Variants in CTNND2 observed in about 807,000 individuals in gnomAD.
The protein encoded by CTNND2 is catenin delta 2.
Under a neutral mutation model 144.4 loss-of-function variants are expected in CTNND2, and 22 were observed. The ratio of observed to expected loss-of-function variants is 0.15; its 90% CI spans 0.11 to 0.22. The LOEUF is 0.22. CTNND2 is among the 10% of genes least tolerant of loss of function. CTNND2 has a pLI of 1.00. For missense variants in CTNND2, 1,353 were observed against 1,618.8 expected (o/e 0.84, Z 2.82); for synonymous variants, 751 against 695.6 (o/e 1.08, Z -1.25).
At chr5:11,436,734 A>T (rs1335418088) in intron 3 of CTNND2, among the ~76,000 whole-genome samples, 2 of 152,240 alleles carry the variant, frequency 1.3e-5, no homozygotes, top group Non-Finnish European at 2.9e-5. Flanking sequence ...ATATTTGCTG[A>T]CAGTTTTAAA....
chr5:11,208,683 C>G (rs1169407144), intron 10 of CTNND2, among the ~76,000 whole-genome samples: 1 of 151,794 alleles, frequency 6.6e-6, no homozygotes, highest in Non-Finnish European at 1.5e-5. Context: ...AAACATAAAA[C>G]AAAAAAGCAC....
intron 11 of CTNND2, among the ~76,000 whole-genome samples, chr5:11,182,569 TGCCCTCAACTTCCC>T (rs1172026972): frequency 3.9e-5 from 6 of 152,112 alleles, no homozygotes; most frequent in Non-Finnish European, 7.4e-5. Context: ...TGCAGGTGAT[TGCCCTCAACTTCCC>T]GCCCTCAACT....
At chr5:11,545,803 A>G (rs1383403405) in intron 3 of CTNND2, among the ~76,000 whole-genome samples, 1 of 152,194 alleles carries the variant, frequency 6.6e-6, no homozygotes, top group African/African-American at 2.4e-5. Flanking sequence ...AAACTTGTAC[A>G]TGAATGTTCA....
intron 16 of CTNND2, among the ~76,000 whole-genome samples, chr5:11,043,587 A>G (rs1331453358): frequency 3.3e-5 from 5 of 152,232 alleles, no homozygotes; most frequent in African/African-American, 1.2e-4. Flanking sequence ...ATATAAAAAC[A>G]GAAGCAAAAA....
At position 11,903,666 on chromosome 5, in the gene CTNND2, G is replaced by A. The variant is rs1738088876; in HGVS notation, c.37+151C>T. On this transcript the variant is annotated intron_variant, in intron 1 of 21. Transcript: ENST00000304623. This position sits in a 1 kb window ranked among gnomAD's most constrained non-coding sequence, Gnocchi z 5.4. ...CCGAGGGGGACCTGGCGCGATCGCGGTCCTCCCCGAGGCAGGCAGAAACCC... is the reference window on the plus strand; with the variant it reads ...CCGAGGGGGACCTGGCGCGATCGCGATCCTCCCCGAGGCAGGCAGAAACCC... The A allele has an allele frequency of 6.0e-6, 5 of 832,308 alleles. No homozygotes were observed. In the East Asian group the frequency reaches 1.0e-4, roughly 17 times the overall value. 51.6% of individuals were successfully genotyped at this position (832,308 alleles called of 1,614,324 possible).
intron 11 of CTNND2, among the ~76,000 whole-genome samples, chr5:11,185,452 C>T (rs1735529183): frequency 1.3e-5 from 2 of 152,186 alleles, no homozygotes; most frequent in Admixed American, 6.5e-5. Flanking sequence ...TCTAAGCAGT[C>T]CCATTTCCTG....
At chr5:11,049,546 C>T (rs559028465) in intron 16 of CTNND2, among the ~76,000 whole-genome samples, 7 of 152,320 alleles carry the variant, frequency 4.6e-5, no homozygotes, top group African/African-American at 7.2e-5. Context: ...ACCCTCCCCA[C>T]GGATACCCTG....
chr5:11,130,339 C>T (rs1327310749), intron 12 of CTNND2, among the ~76,000 whole-genome samples: 3 of 152,102 alleles, frequency 2.0e-5, no homozygotes, highest in Non-Finnish European at 4.4e-5. Context: ...AACACTGCAC[C>T]GTTTTAAGAC....
chr5:11,218,694 C>G (rs945044034), intron 10 of CTNND2, among the ~76,000 whole-genome samples: 2 of 152,176 alleles, frequency 1.3e-5, no homozygotes, highest in African/African-American at 2.4e-5. Flanking sequence ...TTTATTTAGA[C>G]CTTAATAATC....
chr5:11,563,223 A>G (rs1379417950), intron 3 of CTNND2, among the ~76,000 whole-genome samples: 6 of 152,324 alleles, frequency 3.9e-5, no homozygotes, highest in African/African-American at 1.4e-4. Flanking sequence ...GGTATACAAC[A>G]TGGGAAAATG....
At chr5:11,094,429 T>A (rs1751115693) in intron 15 of CTNND2, among the ~76,000 whole-genome samples, 1 of 151,982 alleles carries the variant, frequency 6.6e-6, no homozygotes, top group African/African-American at 2.4e-5. Context: ...CACCACAGTA[T>A]CTACTCTCCC....
intron 2 of CTNND2, 106 bp from the exon 3 acceptor site, chr5:11,565,162 T>C (rs1776977140): frequency 1.3e-6 from 1 of 766,732 alleles, no homozygotes; most frequent in Non-Finnish European, 2.2e-6. Context: ...TTTTCCAAGA[T>C]GTCAAATTTG....
At position 11,678,368 on chromosome 5, in the gene CTNND2, T is replaced by G. The variant is rs189877604; in HGVS notation, c.174+53768A>C. ...CAGAACCCCTGACTGGTATTTTACATTAATAAAATTGGCTAGAGCTCTAGA... is the reference window on the plus strand; with the variant it reads ...CAGAACCCCTGACTGGTATTTTACAGTAATAAAATTGGCTAGAGCTCTAGA... On this transcript the variant is annotated intron_variant, in intron 2 of 21. Transcript: ENST00000304623. Among the ~76,000 whole-genome samples the G allele has an allele frequency of 2.8e-4, 42 of 152,258 alleles. No homozygotes were observed. In the East Asian group the frequency reaches 7.3e-3, roughly 27 times the overall value.
Position 11,514,733 on chromosome 5 carries a change from C to T in CTNND2, c.287+50211G>A, listed in dbSNP as rs116637602. On this transcript the variant is annotated intron_variant, in intron 3 of 21. Coordinates refer to ENST00000304623, the MANE Select transcript of CTNND2 (RefSeq NM_001332.4). ...ATACCTCTAAAGTACCCATTTGCTTCGACTTGGAACTTTTCCCTAAGATGC... is the reference window on the plus strand; with the variant it reads ...ATACCTCTAAAGTACCCATTTGCTTTGACTTGGAACTTTTCCCTAAGATGC... Among the ~76,000 whole-genome samples, 1,058 of 152,276 alleles carry T rather than the reference C, an allele frequency of 6.9e-3. 13 individuals carry two copies. Among genetic ancestry groups the T allele is most frequent in the African/African-American group, 0.024 (1,004 of 41,558 alleles).
intron 8 of CTNND2, 187 bp downstream of exon 8, chr5:11,364,509 G>C (rs1001495531): frequency 1.7e-5 from 8 of 481,976 alleles, no homozygotes; most frequent in Non-Finnish European, 2.1e-5. Flanking sequence ...ATTATACCAA[G>C]GTAGCCTGAA....
In CTNND2 at chr5:11,642,128, C is replaced by A. The variant is rs571004442; in HGVS notation, c.175-77072G>T. On this transcript the variant is annotated intron_variant, in intron 2 of 21. Coordinates refer to ENST00000304623, the MANE Select transcript of CTNND2 (RefSeq NM_001332.4). ...ACGGAGTTTTGAGAACAATTTTGTG[C>A]CCCAATTTACACCTACTAAATATTG... Among the ~76,000 whole-genome samples the A allele has an allele frequency of 3.3e-5, 5 of 152,102 alleles. No individual in the cohort carries two copies. In the South Asian group the frequency reaches 1.0e-3, roughly 32 times the overall value.
intron 10 of CTNND2, among the ~76,000 whole-genome samples, chr5:11,204,311 C>T (rs1737814553): frequency 6.8e-6 from 1 of 147,510 alleles, no homozygotes; most frequent in South Asian, 2.2e-4. Context: ...CCAGTTTGCA[C>T]CAGGGGAGAA....
intron 1 of CTNND2, among the ~76,000 whole-genome samples, chr5:11,887,386 G>C (rs1270800210): frequency 6.6e-6 from 1 of 151,788 alleles, no homozygotes; most frequent in African/African-American, 2.4e-5. Flanking sequence ...AGGCTGATTT[G>C]CTATTTAATT....
intron 11 of CTNND2, among the ~76,000 whole-genome samples, chr5:11,191,051 C>T (rs1736190234): frequency 6.6e-6 from 1 of 152,164 alleles, no homozygotes; most frequent in Admixed American, 6.5e-5. Flanking sequence ...CCCAGAAGGA[C>T]ATCCCATCCC....
Sources: gnomAD v4.1 joint callset for allele counts (sites outside exome capture counted in the v4.1 genomes callset) on GRCh38, gnomAD v4.1.1 for gene constraint, Gnocchi (gnomAD v3.1) non-coding constraint, MANE v1.5 for transcripts, NCBI Gene and HGNC (gene_info 2026-07-23, HGNC 2026-07-21) for gene names.